The following ENAH variants were observed in gnomAD, a reference collection of about 807,000 sequenced individuals.
ENAH encodes protein enabled homolog.
A neutral mutation model predicts 78.7 loss-of-function variants in ENAH; 23 were observed. The ratio of observed to expected loss-of-function variants is 0.29; its 90% CI spans 0.21 to 0.41. ENAH has a LOEUF of 0.41. Among genes scored for constraint, ENAH ranks in the 10% least tolerant of loss-of-function variants. The pLI is 1.00. For missense variants in ENAH, 544 were observed against 691.0 expected, an observed-to-expected ratio of 0.79 and a Z score of 2.39; for synonymous variants, 226 against 241.0, an observed-to-expected ratio of 0.94 and a Z score of 0.58.
At chr1:225,535,166 T>C (rs2096555676) in intron 3 of ENAH, among the ~76,000 whole-genome samples, 2 of 152,152 alleles carry the variant, frequency 1.3e-5, no homozygotes, top group Non-Finnish European at 2.9e-5. Flanking sequence ...CATAAATTTT[T>C]TCCTTAAATT....
At position 225,652,787 on chromosome 1, in the gene ENAH, G is replaced by T; in HGVS notation, c.-97C>A. On this transcript the variant is annotated 5_prime_UTR_variant, in exon 1 of 14. Coordinates refer to ENST00000366843, the MANE Select transcript of ENAH (RefSeq NM_018212.6). ...TCCTCCAGGGGTGGGGAGCAGCTCG[G>T]AGACGGGAGACAAGTGTCCGGCTCC... 9.4e-7 allele frequency: 1 copy of T among 1,059,138 alleles called. No homozygotes were observed. Among genetic ancestry groups the T allele is most frequent in the South Asian group, 3.2e-5 (1 of 31,614 alleles). 65.6% of individuals were successfully genotyped at this position (1,059,138 alleles called of 1,614,324 possible).
intron 1 of ENAH, among the ~76,000 whole-genome samples, chr1:225,592,203 T>G (rs1359843439): frequency 6.6e-6 from 1 of 152,210 alleles, no homozygotes; most frequent in African/African-American, 2.4e-5. Context: ...ACAAGTGAGC[T>G]CAACACTACC....
chr1:225,568,907 T>C (rs1394352313), intron 1 of ENAH, among the ~76,000 whole-genome samples: 1 of 152,244 alleles, frequency 6.6e-6, no homozygotes, highest in Non-Finnish European at 1.5e-5. Flanking sequence ...AAAACTAACT[T>C]GTAACAATAT....
In ENAH at chr1:225,514,717, G is replaced by A. The variant is rs1247873393; in HGVS notation, c.1097C>T (p.Pro366Leu). The A allele has an allele frequency of 4.5e-6, 7 of 1,559,074 alleles. No homozygotes were observed. The highest frequency in any genetic ancestry group is 1.4e-5 in the African/African-American group (1 of 72,202). The change falls in exon 7 of 14, where the codon CCA becomes CTA. Residue 366 changes from proline to leucine, a missense_variant. Physicochemically the swap from Pro to Leu is moderately conservative, Grantham distance 98 (BLOSUM62 -3). Transcript: ENST00000366843. ...LPNQVPPPPP[P>L]PPAPPLPASG... ...TGCAGGGAGGGGTGGGGCAGGAGGT[G>A]GTGGAGGAGGAGGGGGTACTTGATT...
intron 1 of ENAH, among the ~76,000 whole-genome samples, chr1:225,633,282 C>T (rs1659456379): frequency 6.6e-6 from 1 of 151,608 alleles, no homozygotes; most frequent in Admixed American, 6.6e-5. Context: ...GATCTCCTGA[C>T]CTCGTGATCC....
intron 3 of ENAH, among the ~76,000 whole-genome samples, chr1:225,543,490 C>A (rs1283891365): frequency 6.6e-6 from 1 of 152,228 alleles, no homozygotes; most frequent in Non-Finnish European, 1.5e-5. Context: ...ACATAAATAG[C>A]AGGTCTACCT....
chr1:225,530,353 T>C (rs2096532172), intron 4 of ENAH, among the ~76,000 whole-genome samples: 1 of 152,164 alleles, frequency 6.6e-6, no homozygotes, highest in Non-Finnish European at 1.5e-5. Context: ...AAAAAACACA[T>C]ATGAAATTTT....
At chr1:225,567,191 T>C in intron 2 of ENAH, 58 bp downstream of exon 2, 1 of 1,562,758 alleles carries the variant, frequency 6.4e-7, no homozygotes, top group East Asian at 2.3e-5. Context: ...TTACGGAATA[T>C]GCCAAGTCCT....
At chr1:225,611,010 C>T (rs1406647629) in intron 1 of ENAH, among the ~76,000 whole-genome samples, 1 of 152,168 alleles carries the variant, frequency 6.6e-6, no homozygotes, top group Non-Finnish European at 1.5e-5. Context: ...TGATTCTATT[C>T]ACATGAGTAC....
intron 1 of ENAH, among the ~76,000 whole-genome samples, chr1:225,583,109 T>C (rs544642252): frequency 1.3e-5 from 2 of 152,070 alleles, no homozygotes; most frequent in East Asian, 3.9e-4. Context: ...CCAGGGAAAA[T>C]ATTCTTTAAA....
chr1:225,615,522 A>T (rs1012565757), intron 1 of ENAH, among the ~76,000 whole-genome samples: 21 of 150,032 alleles, frequency 1.4e-4, no homozygotes, highest in African/African-American at 5.2e-4. Flanking sequence ...GGATGTGAGG[A>T]GCCCCTCTTC....
intron 1 of ENAH, among the ~76,000 whole-genome samples, chr1:225,637,459 A>T (rs1188800287): frequency 3.3e-5 from 5 of 152,164 alleles, no homozygotes; most frequent in African/African-American, 4.8e-5. Context: ...CACCCGCCTC[A>T]GCCTCCCAAA....
intron 1 of ENAH, among the ~76,000 whole-genome samples, chr1:225,601,070 A>G (rs1049977050): frequency 6.6e-6 from 1 of 152,166 alleles, no homozygotes; most frequent in African/African-American, 2.4e-5. Flanking sequence ...AAATATATCT[A>G]CCCACTTCAA....
chr1:225,605,880 T>A (rs111556363), intron 1 of ENAH, among the ~76,000 whole-genome samples: 1 of 152,280 alleles, frequency 6.6e-6, no homozygotes, highest in Admixed American at 6.5e-5. Context: ...GAACCAACCC[T>A]GCCAACACCT....
At chr1:225,512,260 A>G (rs2096383059) in intron 9 of ENAH, among the ~76,000 whole-genome samples, 1 of 152,250 alleles carries the variant, frequency 6.6e-6, no homozygotes, top group South Asian at 2.1e-4. Flanking sequence ...TTACACTCTG[A>G]AGGGGCACAG....
chr1:225,519,374 C>A lies in ENAH; in HGVS notation c.626G>T (p.Arg209Leu). Residue 209 changes from arginine to leucine, a missense_variant, in exon 5 of 14, where the codon CGC (arginine) becomes CTC (leucine). By Grantham distance (102) the Arg-to-Leu change is moderately radical (BLOSUM62 -2). This residue lies in a region of ENAH where 366 missense variants were observed against 396.1 expected (regional missense o/e 0.92). Transcript: ENST00000366843. ...ERQERLERQERLERQERLERQ... is the reference protein window; with the variant it reads ...ERQERLERQELLERQERLERQ... ...CTCCAGGCGTTCCTGCCGCTCCAGG[C>A]GTTCCTGCCGCTCCAGGCGTTCCTG... 1.9e-6 allele frequency: 3 copies of A among 1,607,882 alleles called. No individual in the cohort carries two copies. Among genetic ancestry groups the A allele is most frequent in the South Asian group, 1.1e-5 (1 of 90,906 alleles).
intron 1 of ENAH, among the ~76,000 whole-genome samples, chr1:225,597,032 C>T (rs1478896873): frequency 1.3e-5 from 2 of 152,172 alleles, no homozygotes; most frequent in Non-Finnish European, 2.9e-5. Flanking sequence ...CTTCCCACCT[C>T]TCCCCTTCTT....
upstream of ENAH, among the ~76,000 whole-genome samples, chr1:225,653,494 C>T (rs1173255501): frequency 2.6e-5 from 4 of 151,326 alleles, no homozygotes; most frequent in African/African-American, 7.3e-5. This position sits in a 1 kb window ranked among gnomAD's most constrained non-coding sequence, Gnocchi z 4.3. Flanking sequence ...CGTCGGCCCC[C>T]TCCCCGTCGC....
intron 1 of ENAH, among the ~76,000 whole-genome samples, chr1:225,650,876 A>AC (rs1662861488): frequency 1.3e-5 from 2 of 149,074 alleles, no homozygotes; most frequent in African/African-American, 4.9e-5. Context: ...AAAAAAAAAA[A>AC]AACTTTCCCT....
Sources: allele counts gnomAD v4.1 joint callset (sites outside exome capture counted in the v4.1 genomes callset), GRCh38; gene constraint gnomAD v4.1.1; regional missense constraint gnomAD v4.1.1; non-coding constraint Gnocchi (gnomAD v3.1); transcripts MANE v1.5; gene names NCBI Gene and HGNC (gene_info 2026-07-23, HGNC 2026-07-21).